ZNF737: variants seen among roughly 807,000 people sequenced by gnomAD.
ZNF737 encodes zinc finger protein 737, also known as zinc finger protein 102 (Y3).
ZNF737 carries 13 observed loss-of-function variants against 11.7 expected under a neutral mutation model. The observed-to-expected ratio is 1.11, with a 90% CI of 0.73 to 1.77. The LOEUF is 1.77. ZNF737 is among the 40% of genes most tolerant of loss of function. The pLI is 0.00. For missense variants in ZNF737, 636 were observed against 638.0 expected (o/e 1.00, Z 0.03); for synonymous variants, 217 against 216.2 (o/e 1.00, Z -0.03).
At chr19:20,546,021 G>A in intron 3 of ZNF737, 45 bp from the exon 4 acceptor site, 1 of 1,518,026 alleles carries the variant, frequency 6.6e-7, no homozygotes, top group Admixed American at 2.3e-5. Context: ...GGTAGACTCA[G>A]ATAAATATAC....
chr19:20,556,160 A>T (rs1968882095), intron 1 of ZNF737, among the ~76,000 whole-genome samples: 1 of 152,042 alleles, frequency 6.6e-6, no homozygotes, highest in South Asian at 2.1e-4. Context: ...TCCCTACCAA[A>T]CCCAAACAGA....
At position 20,559,579 on chromosome 19, in the gene ZNF737, A is replaced by T. The variant is rs552828653; in HGVS notation, c.4-5744T>A. ...CACCAGTCAGAATGGCTATTTTCAAAAAGTCAAAAAATAATAGATGCTGGC... is the reference window on the plus strand; with the variant it reads ...CACCAGTCAGAATGGCTATTTTCAATAAGTCAAAAAATAATAGATGCTGGC... On this transcript the variant is annotated intron_variant, in intron 1 of 3. Coordinates refer to ENST00000427401, the MANE Select transcript of ZNF737 (RefSeq NM_001159293.2). Among the ~76,000 whole-genome samples the T allele has an allele frequency of 5.9e-5, 9 of 152,332 alleles. No individual in the cohort carries two copies. The South Asian group carries it at 1.7e-3, about 28-fold the overall frequency.
Position 20,543,106 on chromosome 19 carries a change from C to T in ZNF737, c.*1486G>A. 2 of 956,796 alleles carry T rather than the reference C, an allele frequency of 2.1e-6. No homozygotes were observed. The highest frequency in any genetic ancestry group is 2.5e-6 in the Non-Finnish European group (2 of 804,214). 59.3% of individuals were successfully genotyped at this position (956,796 alleles called of 1,614,324 possible). A position where few individuals can be genotyped will look rare whatever the true frequency, so the allele number is the denominator to read the frequency against. On this transcript the variant is annotated 3_prime_UTR_variant, in exon 4 of 4. Coordinates refer to ENST00000427401, the MANE Select transcript of ZNF737 (RefSeq NM_001159293.2). ...TGTAAACTCTCTTGATATTTATATA[C>T]AATCTATTTTGAATTAAATATTTTT...
chr19:20,537,509 C>CTTTTT (rs1172290847), downstream of ZNF737, among the ~76,000 whole-genome samples: 12 of 58,476 alleles, frequency 2.1e-4, no homozygotes, highest in African/African-American at 5.8e-4. Flanking sequence ...GCCTGGTTTT[C>CTTTTT]TATTTTTTTT....
Position 20,539,791 on chromosome 19 carries a change from T to C in ZNF737, c.*4801A>G. On this transcript the variant is annotated 3_prime_UTR_variant, in exon 4 of 4. Coordinates refer to ENST00000427401, the MANE Select transcript of ZNF737 (RefSeq NM_001159293.2). ...TACCCACTGGTCTTCATGGCATTTCTGTAATAAATAGTGTAAACCTGTGTC... is the reference window on the plus strand; with the variant it reads ...TACCCACTGGTCTTCATGGCATTTCCGTAATAAATAGTGTAAACCTGTGTC... 1.0e-6 allele frequency: 1 copy of C among 985,472 alleles called. No individual in the cohort carries two copies. Among genetic ancestry groups the C allele is most frequent in the Non-Finnish European group, 1.2e-6 (1 of 829,938 alleles). The allele number at this position is 985,472 out of a possible 1,614,324, so 61.0% of individuals were successfully genotyped here. A position where few individuals can be genotyped will look rare whatever the true frequency, so the allele number is the denominator to read the frequency against.
intron 1 of ZNF737, among the ~76,000 whole-genome samples, chr19:20,562,065 A>G (rs761198083): frequency 9.9e-5 from 15 of 152,190 alleles, no homozygotes; most frequent in Non-Finnish European, 8.8e-5. Context: ...CAGTTTATGG[A>G]AAGAAACACT....
rs377391439 is a variant in ZNF737, at chr19:20,543,205, GA to G, written c.*1386del. 6.2e-4 allele frequency: 614 copies of G among 983,222 alleles called. 2 individuals carry two copies. The African/African-American group carries it at 9.5e-3, about 15-fold the overall frequency. 60.9% of individuals were successfully genotyped at this position (983,222 alleles called of 1,614,324 possible). On this transcript the variant is annotated 3_prime_UTR_variant, in exon 4 of 4. Transcript: ENST00000427401. ...TGTTTTCTAAGCTGTAGTTTCTGGG[GA>G]AAAAAAAGTGTTTCTAAACTTAATA...
chr19:20,555,666 T>C (rs782353232), intron 1 of ZNF737, among the ~76,000 whole-genome samples: 6 of 152,208 alleles, frequency 3.9e-5, no homozygotes, highest in Non-Finnish European at 8.8e-5. Flanking sequence ...TCAGACACCT[T>C]TGACTATCGT....
chr19:20,531,366 A>G (rs1449613365), downstream of ZNF737, among the ~76,000 whole-genome samples: 1 of 149,862 alleles, frequency 6.7e-6, no homozygotes, highest in Admixed American at 6.6e-5. Context: ...AAATTATTCT[A>G]TATGGTGTAT....
intron 1 of ZNF737, among the ~76,000 whole-genome samples, chr19:20,555,153 G>A (rs1372019422): frequency 7.3e-5 from 11 of 151,102 alleles, no homozygotes; most frequent in Admixed American, 7.3e-4. Context: ...ATGAGCCATT[G>A]CGCCCAATCT....
At chr19:20,533,401 C>CAT (rs1352675969), downstream of ZNF737, among the ~76,000 whole-genome samples, 4 of 149,652 alleles carry the variant, frequency 2.7e-5, no homozygotes, top group East Asian at 2.0e-4. Flanking sequence ...GTTCCAGCTT[C>CAT]ATATATATAT....
At chr19:20,536,271 GA>G (rs1967961659), downstream of ZNF737, 1 of 205,982 alleles carries the variant, frequency 4.9e-6, no homozygotes, top group Non-Finnish European at 8.5e-6. Context: ...AGTAGAAAAG[GA>G]AAATTGTTCT....
rs1193864485 is a variant in ZNF737 at position 20,541,967 on chromosome 19, A to T, written c.*2625T>A. On this transcript the variant is annotated 3_prime_UTR_variant, in exon 4 of 4. Transcript: ENST00000427401. ...TATATACACATATTATATACCCACG[A>T]ATACAAATAAAAAATTTAAATAATA... 5.3e-6 allele frequency: 5 copies of T among 949,938 alleles called. No homozygotes were observed. The highest frequency in any genetic ancestry group is 6.3e-6 in the Non-Finnish European group (5 of 797,948). The allele number at this position is 949,938 out of a possible 1,614,324, so 58.8% of individuals were successfully genotyped here.
intron 1 of ZNF737, among the ~76,000 whole-genome samples, chr19:20,557,325 T>G (rs946346807): frequency 7.2e-5 from 11 of 152,046 alleles, no homozygotes; most frequent in South Asian, 2.1e-4. Context: ...TTCTAATCAG[T>G]TATCTGAAGC....
At chr19:20,552,444 G>A (rs376896341) in intron 3 of ZNF737, 31 bp downstream of exon 3, 131 of 1,484,510 alleles carry the variant, frequency 8.8e-5, no homozygotes, top group Middle Eastern at 1.8e-4. Context: ...TATCTGTGTC[G>A]TCTGCTATAT....
Position 20,542,527 on chromosome 19 carries a change from C to T in ZNF737, c.*2065G>A, listed in dbSNP as rs781887572. On this transcript the variant is annotated 3_prime_UTR_variant, in exon 4 of 4. Coordinates refer to ENST00000427401, the MANE Select transcript of ZNF737 (RefSeq NM_001159293.2). Reference sequence around the variant, plus strand: ...AATTACAGGCATGAGCCATCAAGCCCGGCCCTAACAGTTTTAAAATGCACT... The same window carrying T: ...AATTACAGGCATGAGCCATCAAGCCTGGCCCTAACAGTTTTAAAATGCACT... 1.0e-4 allele frequency: 100 copies of T among 980,986 alleles called. 1 individual carries two copies. The highest frequency in any genetic ancestry group is 8.0e-4 in the Admixed American group (13 of 16,238). The allele number at this position is 980,986 out of a possible 1,614,324, so 60.8% of individuals were successfully genotyped here.
At position 20,544,834 on chromosome 19, in the gene ZNF737, C is replaced by G. The variant is rs1345640736; in HGVS notation, c.1369G>C (p.Glu457Gln). 3 of 1,612,924 alleles carry G rather than the reference C, an allele frequency of 1.9e-6. No individual in the cohort carries two copies. In the Admixed American group the frequency reaches 5.0e-5, roughly 27 times the overall value. ...GACGAGTTGAAGGCTTTGCCACATT[C>G]TTCACATTTGTAGGGTTTCTCTCCA... The part of the protein sequence containing the change: ...HTGEKPYKCE[E>Q]CGKAFNSSSH... The change falls in exon 4 of 4, where the codon GAA becomes CAA. Residue 457 changes from glutamate (E) to glutamine (Q), a missense_variant. Glu to Gln is a conservative substitution (Grantham distance 29). Transcript: ENST00000427401.
chr19:20,533,817 G>A (rs1555753318), downstream of ZNF737, among the ~76,000 whole-genome samples: 2 of 150,024 alleles, frequency 1.3e-5, no homozygotes, highest in East Asian at 4.0e-4. Flanking sequence ...GATCACCTGG[G>A]CTGAGCTAAT....
In ZNF737 at chr19:20,545,241, G is replaced by A. The variant is rs1968400086; in HGVS notation, c.962C>T (p.Ala321Val). The A allele has an allele frequency of 6.2e-7, 1 of 1,613,636 alleles. No homozygotes were observed. Among genetic ancestry groups the A allele is most frequent in the African/African-American group, 1.3e-5 (1 of 74,880 alleles). ...AGTAAGGACAGAGGGGTGCTTAAAG[G>A]CTTTGCCACATTCTTCACATTTGTA... ...KPYKCEECGK[A>V]FKHPSVLTTH... Residue 321 changes from alanine (A) to valine (V), a missense_variant, in exon 4 of 4, where the codon GCC becomes GTC. Coordinates refer to ENST00000427401, the MANE Select transcript of ZNF737 (RefSeq NM_001159293.2).
Sources: allele counts gnomAD v4.1 joint callset (sites outside exome capture counted in the v4.1 genomes callset), GRCh38; gene constraint gnomAD v4.1.1; transcripts MANE v1.5; gene names NCBI Gene and HGNC (gene_info 2026-07-23, HGNC 2026-07-21).